Variants in SYNPR observed in about 807,000 individuals in gnomAD.
SYNPR encodes the protein synaptoporin.
A neutral mutation model predicts 32.9 loss-of-function variants in SYNPR; 23 were observed. The ratio of observed to expected loss-of-function variants is 0.70; its 90% confidence interval spans 0.50 to 0.99. The LOEUF (loss-of-function observed/expected upper bound fraction) is 0.99. Among genes scored for constraint, SYNPR ranks in the 50% least tolerant of loss-of-function variants. The pLI, the probability that SYNPR is intolerant of heterozygous loss-of-function variation, is 0.00. For missense variants in SYNPR, 318 were observed against 349.3 expected (o/e 0.91, Z 0.71); for synonymous variants, 146 against 135.9 (o/e 1.07, Z -0.52).
intron 3 of SYNPR, among the ~76,000 whole-genome samples, chr3:63,548,294 A>G (rs979859369): frequency 6.6e-6 from 1 of 152,090 alleles, no homozygotes; most frequent in Non-Finnish European, 1.5e-5. Context: ...TAAGTTTTCC[A>G]CTACTCTGTG....
At chr3:63,408,273 GAAAGAGGAAGGAAGGA>G (rs1560221102) in intron 2 of SYNPR, among the ~76,000 whole-genome samples, 18 of 100,064 alleles carry the variant, frequency 1.8e-4, no homozygotes, top group East Asian at 5.7e-4. Context: ...AAGAAAGAAA[GAAAGAGGAAGGAAGGA>G]AGGAAGGAAG....
chr3:63,219,876 G>C, the SYNPR span, among the ~76,000 whole-genome samples: 1 of 152,118 alleles, frequency 6.6e-6, no homozygotes, highest in African/African-American at 2.4e-5. Flanking sequence ...GGGAGGCAAG[G>C]GAGGTAGGCA....
At chr3:63,248,980 A>G (rs768791829) in intron 1 of SYNPR, among the ~76,000 whole-genome samples, 11 of 152,082 alleles carry the variant, frequency 7.2e-5, no homozygotes, top group Non-Finnish European at 1.5e-5. Context: ...CTATCCCTAT[A>G]TAATATTCAG....
chr3:63,521,667 T>G (rs140091830), intron 3 of SYNPR, among the ~76,000 whole-genome samples: 1 of 152,318 alleles, frequency 6.6e-6, no homozygotes, highest in South Asian at 2.1e-4. Context: ...GGAGGCAATA[T>G]GCAAAGTGGT....
rs1243366356 is a variant in SYNPR, at chr3:63,246,577, T to C, written n.67-5922T>C. ...CTAGATGCAGGGGGTAGGTATTTTA[T>C]ACCAAGTGGTCAGAAAAGTTCTCAT... On this transcript the variant is annotated intron_variant and non_coding_transcript_variant, in intron 1 of 4. Transcript: ENST00000478456. 2.6e-5 allele frequency among the ~76,000 whole-genome samples: 4 copies of C among 152,068 alleles called. No homozygotes were observed. The East Asian group carries it at 7.7e-4, about 29-fold the overall frequency.
chr3:63,443,577 G>A, intron 2 of SYNPR: 2 of 1,257,924 alleles, frequency 1.6e-6, no homozygotes, highest in South Asian at 1.4e-5. Context: ...CCAAGTATCA[G>A]TTTTTAAGTC....
intron 3 of SYNPR, among the ~76,000 whole-genome samples, chr3:63,528,101 A>G (rs1702048757): frequency 6.6e-6 from 1 of 152,200 alleles, no homozygotes; most frequent in Non-Finnish European, 1.5e-5. Context: ...ACTACAGGAG[A>G]TAAATGACCT....
At chr3:63,393,580 C>T (rs2088172249) in intron 2 of SYNPR, among the ~76,000 whole-genome samples, 1 of 141,474 alleles carries the variant, frequency 7.1e-6, no homozygotes, top group African/African-American at 2.7e-5. Flanking sequence ...TCACTGCAGC[C>T]TTGACCTCCT....
intron 3 of SYNPR, among the ~76,000 whole-genome samples, chr3:63,522,842 G>A (rs1055724154): frequency 6.6e-6 from 1 of 152,134 alleles, no homozygotes; most frequent in African/African-American, 2.4e-5. Context: ...ATCATGCAGG[G>A]TCTGTGGGCC....
At chr3:63,232,570 C>T (rs906458035) in intron 1 of SYNPR, among the ~76,000 whole-genome samples, 1 of 152,272 alleles carries the variant, frequency 6.6e-6, no homozygotes, top group East Asian at 1.9e-4. Context: ...CCATCTTCAG[C>T]ACCTCCAAAA....
intron 2 of SYNPR, among the ~76,000 whole-genome samples, chr3:63,466,072 C>A (rs1221571916): frequency 1.3e-5 from 2 of 152,146 alleles, no homozygotes; most frequent in Non-Finnish European, 2.9e-5. Flanking sequence ...TCTCTACTCT[C>A]TGAAAGGACC....
At chr3:63,597,470 C>G (rs529911365) in intron 4 of SYNPR, among the ~76,000 whole-genome samples, 1 of 152,232 alleles carries the variant, frequency 6.6e-6, no homozygotes, top group South Asian at 2.1e-4. Flanking sequence ...CACTTGTTAA[C>G]TAAGCATTGA....
At chr3:63,412,433 A>C (rs1272498479) in intron 2 of SYNPR, among the ~76,000 whole-genome samples, 1 of 152,184 alleles carries the variant, frequency 6.6e-6, no homozygotes, top group East Asian at 1.9e-4. Flanking sequence ...CAGTTTTGTC[A>C]AGCATCTACC....
At chr3:63,247,870 G>A (rs1575575178) in intron 1 of SYNPR, among the ~76,000 whole-genome samples, 1 of 152,240 alleles carries the variant, frequency 6.6e-6, no homozygotes, top group Admixed American at 6.5e-5. Context: ...TCCATCTAGG[G>A]CCATTTCCAT....
intron 2 of SYNPR, among the ~76,000 whole-genome samples, chr3:63,285,508 T>C (rs188283979): frequency 3.3e-4 from 51 of 152,344 alleles, no homozygotes; most frequent in Non-Finnish European, 6.0e-4. Flanking sequence ...TTTAAAGCTA[T>C]ATTAATGTGG....
In SYNPR at chr3:63,256,454, A is replaced by G. The variant is rs138105878; in HGVS notation, n.154+3868A>G. Among the ~76,000 whole-genome samples the G allele has an allele frequency of 3.8e-3, 581 of 152,344 alleles. 2 individuals carry two copies. The highest frequency in any genetic ancestry group is 0.013 in the African/African-American group (523 of 41,582). ...AGCCTCTGCTGCTGATACCCAGGCA[A>G]ACAGGGTCTGGAGTGGATCTCCAGC... On this transcript the variant is annotated intron_variant and non_coding_transcript_variant, in intron 2 of 4. Transcript: ENST00000478456.
At chr3:63,376,441 C>T (rs747853108) in intron 2 of SYNPR, among the ~76,000 whole-genome samples, 8 of 152,106 alleles carry the variant, frequency 5.3e-5, no homozygotes, top group African/African-American at 9.7e-5. Context: ...TATGATAAGA[C>T]TGCTTTCTCA....
intron 2 of SYNPR, among the ~76,000 whole-genome samples, chr3:63,427,736 G>A (rs529204959): frequency 4.9e-4 from 74 of 152,336 alleles, no homozygotes; most frequent in Middle Eastern, 3.4e-3. Flanking sequence ...AGATTCTTGG[G>A]CTCAAACCCA....
chr3:63,228,451 A>G (rs755540032), intron 1 of SYNPR: 1 of 152,196 alleles, frequency 6.6e-6, no homozygotes, highest in Admixed American at 6.5e-5. Flanking sequence ...CCTTTAACTT[A>G]TAAGTAAAGA....
Sources: allele counts gnomAD v4.1 joint callset (sites outside exome capture counted in the v4.1 genomes callset), GRCh38; gene constraint gnomAD v4.1.1; transcripts MANE v1.5; gene names NCBI Gene and HGNC (gene_info 2026-07-23, HGNC 2026-07-21).